The following PRKCE variants were observed in gnomAD, a reference collection of about 807,000 sequenced individuals.
The protein encoded by PRKCE is protein kinase C epsilon.
A neutral mutation model predicts 85.4 loss-of-function variants in PRKCE; 16 were observed. The observed-to-expected ratio is 0.19, with a 90% CI of 0.13 to 0.28. PRKCE has a LOEUF of 0.28. PRKCE is among the 10% of genes least tolerant of loss of function. PRKCE has a pLI of 1.00. For missense variants in PRKCE, 573 were observed against 975.2 expected (o/e 0.59, Z 5.49); for synonymous variants, 388 against 371.5 (o/e 1.04, Z -0.51).
At chr2:45,976,340 C>T (rs543739102) in intron 2 of PRKCE, 89 bp from the exon 3 acceptor site, 4 of 1,463,494 alleles carry the variant, frequency 2.7e-6, no homozygotes, top group Non-Finnish European at 3.7e-6. Flanking sequence ...TCCACTCCCC[C>T]AGGGATGGAG....
intron 2 of PRKCE, among the ~76,000 whole-genome samples, chr2:45,956,380 A>G (rs1238734949): frequency 1.3e-5 from 2 of 152,096 alleles, no homozygotes; most frequent in African/African-American, 4.8e-5. Flanking sequence ...TGTGTGTTTT[A>G]TTTTATAAGA....
intron 10 of PRKCE, chr2:46,078,514 TG>T (rs1481132277): frequency 6.7e-6 from 1 of 150,334 alleles, no homozygotes; most frequent in African/African-American, 2.5e-5. Flanking sequence ...CACTATAGCC[TG>T]GGTGACAGAG....
chr2:45,889,470 A>C (rs1326144276), intron 2 of PRKCE, among the ~76,000 whole-genome samples: 1 of 151,036 alleles, frequency 6.6e-6, no homozygotes, highest in Non-Finnish European at 1.5e-5. Flanking sequence ...CTACATTAAT[A>C]CTTAACAGAG....
At chr2:45,761,348 A>AT (rs1436222967) in intron 1 of PRKCE, among the ~76,000 whole-genome samples, 68 of 151,454 alleles carry the variant, frequency 4.5e-4, no homozygotes, top group African/African-American at 1.6e-3. Flanking sequence ...AAAAAAAAAA[A>AT]AATCTAAGTA....
At chr2:45,986,955 G>A (rs1425650332) in intron 6 of PRKCE, among the ~76,000 whole-genome samples, 1 of 152,096 alleles carries the variant, frequency 6.6e-6, no homozygotes, top group African/African-American at 2.4e-5. Flanking sequence ...GAGGAGTGAT[G>A]TGCTTTTGGA....
chr2:45,754,752 G>A (rs1278735013), intron 1 of PRKCE, among the ~76,000 whole-genome samples: 1 of 152,224 alleles, frequency 6.6e-6, no homozygotes, highest in East Asian at 1.9e-4. Flanking sequence ...TAAATGCCAT[G>A]GTGTACCCGT....
At chr2:46,037,103 A>G (rs142824912) in intron 10 of PRKCE, among the ~76,000 whole-genome samples, 48 of 152,142 alleles carry the variant, frequency 3.2e-4, no homozygotes, top group African/African-American at 1.1e-3. Flanking sequence ...ATTTTCCTGT[A>G]CCCATTCCAG....
chr2:46,041,215 A>G lies in PRKCE; in HGVS notation c.1437+30698A>G, dbSNP rs573667303. Among the ~76,000 whole-genome samples, 1 of 152,372 alleles carries G rather than the reference A, an allele frequency of 6.6e-6. No individual in the cohort carries two copies. The highest frequency in any genetic ancestry group is 2.1e-4 in the South Asian group (1 of 4,832). On this transcript the variant is annotated intron_variant, in intron 10 of 14. Transcript: ENST00000306156. The surrounding 1 kb of genome is among the most constrained non-coding windows in gnomAD (Gnocchi z 5.5). ...ATAGGTTTTAAACTAACAAATGATT[A>G]CCCTTGATCTTAAGAGTACTGGGTA... is the stretch of plus-strand genomic sequence containing the variant.
intron 1 of PRKCE, among the ~76,000 whole-genome samples, chr2:45,689,495 C>G (rs72884461): frequency 0.057 from 8,567 of 151,496 alleles, 540 homozygotes; most frequent in East Asian, 0.16. Context: ...ATAATGTAAT[C>G]TATCCTTTAT....
At position 46,065,236 on chromosome 2, in the gene PRKCE, T is replaced by C. The variant is rs1574376979; in HGVS notation, c.1438-20972T>C. Among the ~76,000 whole-genome samples the C allele has an allele frequency of 1.3e-5, 2 of 152,132 alleles. 1 individual carries two copies. Among genetic ancestry groups the C allele is most frequent in the East Asian group, 3.9e-4 (2 of 5,184 alleles). On this transcript the variant is annotated intron_variant, in intron 10 of 14. Coordinates refer to ENST00000306156, the MANE Select transcript of PRKCE (RefSeq NM_005400.3). ...GGAAAATGACTGTTCAAGACCTGTA[T>C]CTTGAAAGAATGCTGTTTATCTAGT...
intron 2 of PRKCE, among the ~76,000 whole-genome samples, chr2:45,898,866 C>G (rs1300256990): frequency 6.6e-6 from 1 of 152,230 alleles, no homozygotes; most frequent in African/African-American, 2.4e-5. Flanking sequence ...TGAAGGACCC[C>G]TGTCTTGGGT....
At chr2:46,020,817 A>C (rs1296334151) in intron 10 of PRKCE, among the ~76,000 whole-genome samples, 5 of 152,226 alleles carry the variant, frequency 3.3e-5, no homozygotes, top group African/African-American at 1.2e-4. Context: ...ACTTAGAATA[A>C]AGACAGTATG....
intron 2 of PRKCE, among the ~76,000 whole-genome samples, chr2:45,883,953 C>T (rs945560294): frequency 1.3e-5 from 2 of 152,178 alleles, no homozygotes; most frequent in African/African-American, 4.8e-5. Context: ...TCCCTTACTG[C>T]AGAGTCGCTC....
At chr2:46,150,996 G>T (rs1386668486) in intron 12 of PRKCE, 45 bp from the exon 13 acceptor site, 24 of 1,554,842 alleles carry the variant, frequency 1.5e-5, no homozygotes, top group Non-Finnish European at 2.1e-5. Flanking sequence ...TGTCACTGGG[G>T]TGGGAGCCTT....
At chr2:45,828,514 T>C (rs1331424654) in intron 1 of PRKCE, among the ~76,000 whole-genome samples, 2 of 152,252 alleles carry the variant, frequency 1.3e-5, no homozygotes, top group Non-Finnish European at 2.9e-5. Flanking sequence ...GTGATTATGA[T>C]AGAGTAGTGC....
chr2:45,863,229 T>A (rs542235800), intron 2 of PRKCE, among the ~76,000 whole-genome samples: 1 of 152,116 alleles, frequency 6.6e-6, no homozygotes, highest in East Asian at 1.9e-4. Context: ...GGTAGGAAGA[T>A]CTTGACTCTT....
At chr2:45,816,378 G>A (rs1291837534) in intron 1 of PRKCE, among the ~76,000 whole-genome samples, 4 of 152,028 alleles carry the variant, frequency 2.6e-5, no homozygotes, top group Admixed American at 6.6e-5. Flanking sequence ...CTGGTGCTCC[G>A]GAGCTGGGAA....
intron 1 of PRKCE, among the ~76,000 whole-genome samples, chr2:45,662,601 C>G (rs560509351): frequency 3.5e-4 from 53 of 152,138 alleles, no homozygotes; most frequent in African/African-American, 1.2e-3. Flanking sequence ...TGGGCCTTGG[C>G]TACGGTTAAC....
chr2:45,983,413 G>A (rs1418698716), intron 5 of PRKCE, among the ~76,000 whole-genome samples: 3 of 152,162 alleles, frequency 2.0e-5, no homozygotes, highest in African/African-American at 7.2e-5. Flanking sequence ...CCTGGGTGAT[G>A]GTCTCCTGCC....
Sources: gnomAD v4.1 joint callset for allele counts (sites outside exome capture counted in the v4.1 genomes callset) on GRCh38, gnomAD v4.1.1 for gene constraint, Gnocchi (gnomAD v3.1) non-coding constraint, MANE v1.5 for transcripts, NCBI Gene and HGNC (gene_info 2026-07-23, HGNC 2026-07-21) for gene names.